Variants in WDFY2 observed in about 807,000 individuals in gnomAD.
WDFY2 encodes WD repeat and FYVE domain-containing protein 2.
Under a neutral mutation model 56.4 loss-of-function variants are expected in WDFY2, and 36 were observed. The ratio of observed to expected loss-of-function variants is 0.64; its 90% CI spans 0.49 to 0.84. WDFY2 has a LOEUF of 0.84. Ranked by LOEUF, WDFY2 falls within the 40% of genes least tolerant of loss-of-function variation. The pLI, the probability that WDFY2 is intolerant of heterozygous loss-of-function variation, is 0.00. For synonymous variants in WDFY2, 176 were observed against 183.7 expected (o/e 0.96, Z 0.34); for missense variants, 444 against 512.2 (o/e 0.87, Z 1.29).
chr13:51,736,422 C>G (rs552270271), intron 6 of WDFY2, among the ~76,000 whole-genome samples: 27 of 152,162 alleles, frequency 1.8e-4, no homozygotes, highest in African/African-American at 2.4e-4. Flanking sequence ...TCTTCTATCC[C>G]CATAAACCAT....
chr13:51,752,453 A>G (rs1953259686), intron 8 of WDFY2, among the ~76,000 whole-genome samples: 1 of 152,166 alleles, frequency 6.6e-6, no homozygotes, highest in African/African-American at 2.4e-5. Context: ...GCTGGTGATT[A>G]TGTCCTGGGT....
At chr13:51,744,465 G>A (rs1953048426) in intron 7 of WDFY2, among the ~76,000 whole-genome samples, 2 of 152,228 alleles carry the variant, frequency 1.3e-5, no homozygotes, top group African/African-American at 4.8e-5. Flanking sequence ...CCCATTCTTA[G>A]AAGGGCCTCA....
intron 3 of WDFY2, among the ~76,000 whole-genome samples, chr13:51,699,753 A>G (rs928577361): frequency 1.6e-4 from 24 of 152,226 alleles, no homozygotes; most frequent in Admixed American, 3.9e-4. Context: ...GCATGGCTGC[A>G]TGCTTCCTGG....
chr13:51,733,471 A>AGTG (rs1566200681), intron 6 of WDFY2, among the ~76,000 whole-genome samples: 1 of 152,246 alleles, frequency 6.6e-6, no homozygotes, highest in Non-Finnish European at 1.5e-5. Context: ...CCTTACAAGT[A>AGTG]GTGGTAGGAG....
At chr13:51,746,722 C>T (rs1379651307) in intron 7 of WDFY2, among the ~76,000 whole-genome samples, 4 of 152,150 alleles carry the variant, frequency 2.6e-5, no homozygotes, top group Admixed American at 6.5e-5. Flanking sequence ...ACAGAGTTTA[C>T]GAAATTGTGG....
rs1342687540 is a variant in WDFY2 at position 51,693,820 on chromosome 13, G to A, written c.280-9776G>A. Reference sequence around the variant, plus strand: ...CCATTATTATTGTGTGGGAGTCTAAGTCTCTTTATAGGTCACTCAGGACTT... The same window carrying A: ...CCATTATTATTGTGTGGGAGTCTAAATCTCTTTATAGGTCACTCAGGACTT... On this transcript the variant is annotated intron_variant, in intron 3 of 11. Transcript: ENST00000298125. Among the ~76,000 whole-genome samples, 694 of 152,026 alleles carry A rather than the reference G, an allele frequency of 4.6e-3. 4 individuals are homozygous for A. The highest frequency in any genetic ancestry group is 0.016 in the African/African-American group (647 of 41,316).
chr13:51,737,431 T>C (rs1952862748), intron 6 of WDFY2, among the ~76,000 whole-genome samples: 1 of 151,890 alleles, frequency 6.6e-6, no homozygotes, highest in African/African-American at 2.4e-5. Context: ...TCCAGGCTTA[T>C]TGAGTGTTTG....
intron 3 of WDFY2, among the ~76,000 whole-genome samples, chr13:51,690,199 T>G (rs954863048): frequency 6.6e-6 from 1 of 150,498 alleles, no homozygotes; most frequent in Admixed American, 6.6e-5. Context: ...TATATATATT[T>G]TTTTTATTAT....
chr13:51,647,197 G>A lies in WDFY2; in HGVS notation c.138-13399G>A, dbSNP rs550113440. ...AACCAGTCCCCATGGATACAGTCAT[G>A]TGTCACCTAACAGTGGGGATACATT... On this transcript the variant is annotated intron_variant, in intron 1 of 11. Transcript: ENST00000298125. Among the ~76,000 whole-genome samples the A allele has an allele frequency of 9.8e-5, 15 of 152,310 alleles. No homozygotes were observed. In the East Asian group the frequency reaches 2.7e-3, roughly 27 times the overall value.
At chr13:51,686,312 T>A (rs1209311869) in intron 3 of WDFY2, among the ~76,000 whole-genome samples, 1 of 152,146 alleles carries the variant, frequency 6.6e-6, no homozygotes, top group Non-Finnish European at 1.5e-5. Flanking sequence ...TTACATGAGG[T>A]ACCTTAAAGG....
intron 9 of WDFY2, 126 bp from the exon 10 acceptor site, chr13:51,756,206 G>A (rs1390738238): frequency 2.2e-6 from 3 of 1,365,556 alleles, no homozygotes; most frequent in East Asian, 2.3e-5. Flanking sequence ...TAGTTCTGGG[G>A]CTCTCTTGTT....
intron 8 of WDFY2, among the ~76,000 whole-genome samples, chr13:51,753,412 T>C (rs1174088393): frequency 6.6e-6 from 1 of 152,226 alleles, no homozygotes; most frequent in Admixed American, 6.5e-5. Context: ...CATTTTTGTT[T>C]TGTTAACTTT....
intron 3 of WDFY2, among the ~76,000 whole-genome samples, chr13:51,690,804 T>G (rs923472173): frequency 6.6e-6 from 1 of 152,166 alleles, no homozygotes; most frequent in Non-Finnish European, 1.5e-5. Flanking sequence ...TAGTTTACAG[T>G]CCCACCAACA....
intron 4 of WDFY2, among the ~76,000 whole-genome samples, chr13:51,711,013 G>A (rs1467994484): frequency 2.0e-5 from 3 of 152,144 alleles, no homozygotes; most frequent in Non-Finnish European, 4.4e-5. Flanking sequence ...AAAGCTGGAG[G>A]CATCACGCTA....
At position 51,765,266 on chromosome 13, in the gene WDFY2, C is replaced by CAGCA. The variant is rs1420813886; in HGVS notation, c.*5499_*5500insCAAG. 5.9e-5 allele frequency: 9 copies of CAGCA among 152,320 alleles called. No homozygotes were observed. The East Asian group carries it at 1.7e-3, about 29-fold the overall frequency. 9.4% of individuals were successfully genotyped at this position (152,320 alleles called of 1,614,324 possible). A position where few individuals can be genotyped will look rare whatever the true frequency, so the allele number is the denominator to read the frequency against. On this transcript the variant is annotated 3_prime_UTR_variant, in exon 12 of 12. Coordinates refer to ENST00000298125, the MANE Select transcript of WDFY2 (RefSeq NM_052950.4). ...CTGCATTCCTGTTTAAACTTCAGCTCAGTTTCTTAACCAAGAACCACGTCA... is the reference window on the plus strand; with the variant it reads ...CTGCATTCCTGTTTAAACTTCAGCTCAGCAAGTTTCTTAACCAAGAACCACGTCA...
intron 7 of WDFY2, 75 bp downstream of exon 7, chr13:51,739,250 C>T: frequency 6.9e-7 from 1 of 1,446,300 alleles, no homozygotes; most frequent in Non-Finnish European, 9.2e-7. Flanking sequence ...GGAGTGCAGC[C>T]CAGTCTGTGG....
intron 2 of WDFY2, among the ~76,000 whole-genome samples, chr13:51,669,509 A>G (rs1395319789): frequency 2.0e-5 from 3 of 152,100 alleles, no homozygotes; most frequent in Non-Finnish European, 4.4e-5. Context: ...TGTGCATTTC[A>G]TTGCTTCCTA....
At chr13:51,629,736 T>C (rs899669787) in intron 1 of WDFY2, among the ~76,000 whole-genome samples, 1 of 152,022 alleles carries the variant, frequency 6.6e-6, no homozygotes, top group Non-Finnish European at 1.5e-5. Flanking sequence ...GCTATGTCAC[T>C]GTGGCCAAGG....
intron 1 of WDFY2, among the ~76,000 whole-genome samples, chr13:51,635,378 C>G (rs1360835759): frequency 6.6e-6 from 1 of 152,210 alleles, no homozygotes; most frequent in Non-Finnish European, 1.5e-5. Context: ...TGTATTTTGT[C>G]TCTGTACCTT....
Sources: allele counts gnomAD v4.1 joint callset (sites outside exome capture counted in the v4.1 genomes callset), GRCh38; gene constraint gnomAD v4.1.1; transcripts MANE v1.5; gene names NCBI Gene and HGNC (gene_info 2026-07-23, HGNC 2026-07-21).